The following RAPGEF5 variants were observed in gnomAD, a reference collection of about 807,000 sequenced individuals.
The protein encoded by RAPGEF5 is Rap guanine nucleotide exchange factor 5, also known as M-Ras-regulated GEF.
RAPGEF5 carries 65 observed loss-of-function variants against 125.2 expected under a neutral mutation model. The observed-to-expected ratio is 0.52, with a 90% CI of 0.43 to 0.64. The LOEUF is 0.64. RAPGEF5 is among the 30% of genes least tolerant of loss of function. RAPGEF5 has a pLI of 0.00. For missense variants in RAPGEF5, 958 were observed against 1,048.1 expected (o/e 0.91, Z 1.19); for synonymous variants, 391 against 385.9 (o/e 1.01, Z -0.16).
At chr7:22,275,952 C>T (rs919756187) in intron 6 of RAPGEF5, among the ~76,000 whole-genome samples, 11 of 152,190 alleles carry the variant, frequency 7.2e-5, no homozygotes, top group African/African-American at 1.9e-4. Flanking sequence ...AACAAGCTAA[C>T]GACACTAACA....
At position 22,118,862 on chromosome 7, in the gene RAPGEF5, C is replaced by T. The variant is rs1447025587; in HGVS notation, c.*3544G>A. 2 of 152,450 alleles carry T rather than the reference C, an allele frequency of 1.3e-5. No homozygotes were observed. Among genetic ancestry groups the T allele is most frequent in the South Asian group, 2.1e-4 (1 of 4,818 alleles). The allele number at this position is 152,450 out of a possible 1,614,324, so 9.4% of individuals were successfully genotyped here. On this transcript the variant is annotated 3_prime_UTR_variant, in exon 26 of 26. Coordinates refer to ENST00000665637, the MANE Select transcript of RAPGEF5 (RefSeq NM_012294.5). ...TTTGCTTTATACAGTAATACATTTG[C>T]ATCTAACTTTTTGGCAATTTTTAAA...
intron 1 of RAPGEF5, among the ~76,000 whole-genome samples, chr7:22,330,975 T>C (rs1456692876): frequency 6.6e-6 from 1 of 152,188 alleles, no homozygotes; most frequent in Non-Finnish European, 1.5e-5. Flanking sequence ...GACGCTAGCT[T>C]CATTAGAGCT....
At chr7:22,211,192 G>C (rs1785499692) in intron 9 of RAPGEF5, among the ~76,000 whole-genome samples, 1 of 151,822 alleles carries the variant, frequency 6.6e-6, no homozygotes, top group South Asian at 2.1e-4. Context: ...CACTGCAAAA[G>C]GAAAAAAAGG....
At chr7:22,264,312 G>A (rs990490356) in intron 7 of RAPGEF5, among the ~76,000 whole-genome samples, 1 of 152,148 alleles carries the variant, frequency 6.6e-6, no homozygotes, top group African/African-American at 2.4e-5. Flanking sequence ...CCCATCATTA[G>A]TACAAGTGTA....
intron 8 of RAPGEF5, among the ~76,000 whole-genome samples, chr7:22,223,883 C>T (rs562363915): frequency 6.6e-6 from 1 of 152,116 alleles, no homozygotes; most frequent in Non-Finnish European, 1.5e-5. Flanking sequence ...TGTTAATAGT[C>T]ACTTAGGTTA....
intron 7 of RAPGEF5, among the ~76,000 whole-genome samples, chr7:22,248,655 C>T (rs960475519): frequency 1.7e-4 from 26 of 152,128 alleles, no homozygotes; most frequent in African/African-American, 6.0e-4. Context: ...CCCAGCAGCG[C>T]AGGGAAGCTT....
At chr7:22,326,829 C>T (rs1783823381) in intron 1 of RAPGEF5, among the ~76,000 whole-genome samples, 2 of 152,284 alleles carry the variant, frequency 1.3e-5, no homozygotes, top group Admixed American at 6.5e-5. Flanking sequence ...CTGTATTGCA[C>T]ACTTAAAAAG....
chr7:22,311,968 G>C (rs913805280), intron 3 of RAPGEF5, among the ~76,000 whole-genome samples: 2 of 152,176 alleles, frequency 1.3e-5, no homozygotes, highest in Non-Finnish European at 2.9e-5. Flanking sequence ...TCCTCAGTCT[G>C]CTCTGAGTGT....
At chr7:22,335,635 C>T (rs1784011675) in intron 1 of RAPGEF5, among the ~76,000 whole-genome samples, 1 of 147,458 alleles carries the variant, frequency 6.8e-6, no homozygotes. Flanking sequence ...GGGGGACACA[C>T]AGAATGGTCA....
At chr7:22,341,544 A>C (rs1451236795) in intron 1 of RAPGEF5, among the ~76,000 whole-genome samples, 2 of 152,226 alleles carry the variant, frequency 1.3e-5, no homozygotes, top group Non-Finnish European at 2.9e-5. Flanking sequence ...AGACAAGGCA[A>C]GTCCCTTCTG....
At chr7:22,142,306 C>T (rs60771684) in intron 20 of RAPGEF5, among the ~76,000 whole-genome samples, 17 of 152,100 alleles carry the variant, frequency 1.1e-4, no homozygotes, top group Admixed American at 3.3e-4. Flanking sequence ...ACACAAGAAG[C>T]CTTTTAAACA....
At chr7:22,147,252 C>A (rs1783473177) in intron 18 of RAPGEF5, among the ~76,000 whole-genome samples, 1 of 152,196 alleles carries the variant, frequency 6.6e-6, no homozygotes, top group African/African-American at 2.4e-5. Flanking sequence ...GCTCCTCCCC[C>A]ATCTCTCTCC....
In RAPGEF5 at chr7:22,140,742, T is replaced by C. The variant is rs188443245; in HGVS notation, c.2187-627A>G. Among the ~76,000 whole-genome samples the C allele has an allele frequency of 2.1e-3, 323 of 152,302 alleles. 1 individual carries two copies. The highest frequency in any genetic ancestry group is 4.5e-3 in the Admixed American group (69 of 15,294). On this transcript the variant is annotated intron_variant, in intron 20 of 25. Coordinates refer to ENST00000665637, the MANE Select transcript of RAPGEF5 (RefSeq NM_012294.5). ...TATCCACTCTGCATAACATCAATCATGCCCAGAGACTTAACTGGTCAACAT... is the reference window on the plus strand; with the variant it reads ...TATCCACTCTGCATAACATCAATCACGCCCAGAGACTTAACTGGTCAACAT...
At chr7:22,275,045 C>T (rs1379718972) in intron 6 of RAPGEF5, among the ~76,000 whole-genome samples, 2 of 152,050 alleles carry the variant, frequency 1.3e-5, no homozygotes, top group South Asian at 2.1e-4. Flanking sequence ...ATGGACTATG[C>T]TCTCTCTTTG....
chr7:22,196,861 T>C (rs1785159104), intron 9 of RAPGEF5, among the ~76,000 whole-genome samples: 1 of 152,090 alleles, frequency 6.6e-6, no homozygotes, highest in African/African-American at 2.4e-5. Context: ...TGGACAAAGG[T>C]CAAGGGTAGA....
intron 12 of RAPGEF5, 145 bp downstream of exon 12, chr7:22,166,925 C>T: frequency 4.5e-6 from 3 of 663,486 alleles, no homozygotes; most frequent in Middle Eastern, 5.1e-4. Flanking sequence ...ATTTCATCTT[C>T]TACCTTGGAT....
At chr7:22,330,056 A>G (rs888053533) in intron 1 of RAPGEF5, among the ~76,000 whole-genome samples, 1 of 152,198 alleles carries the variant, frequency 6.6e-6, no homozygotes, top group East Asian at 1.9e-4. Flanking sequence ...GCAACATAAC[A>G]TTTCCACTCT....
intron 6 of RAPGEF5, among the ~76,000 whole-genome samples, chr7:22,268,982 G>C (rs1236790075): frequency 1.3e-5 from 2 of 152,048 alleles, no homozygotes; most frequent in East Asian, 3.9e-4. Context: ...GTGAGAGACA[G>C]GCAGTGAGAA....
At chr7:22,182,476 C>A (rs1167519413) in intron 11 of RAPGEF5, among the ~76,000 whole-genome samples, 1 of 152,136 alleles carries the variant, frequency 6.6e-6, no homozygotes, top group Non-Finnish European at 1.5e-5. Flanking sequence ...TCCAGAAATG[C>A]CCCACTTAAA....
Sources: allele counts gnomAD v4.1 joint callset (sites outside exome capture counted in the v4.1 genomes callset), GRCh38; gene constraint gnomAD v4.1.1; transcripts MANE v1.5; gene names NCBI Gene and HGNC (gene_info 2026-07-23, HGNC 2026-07-21).